Variants in FABP12 observed in about 807,000 individuals in gnomAD.
FABP12 encodes fatty acid-binding protein 12.
A neutral mutation model predicts 13.7 loss-of-function variants in FABP12; 19 were observed. That is an observed-to-expected ratio of 1.39 (90% confidence interval 0.97 to 2.04). The LOEUF (loss-of-function observed/expected upper bound fraction) is 2.04. Ranked by LOEUF, FABP12 falls within the 30% of genes most tolerant of loss-of-function variation. FABP12 has a pLI of 0.00. For synonymous variants in FABP12, 61 were observed against 57.0 expected, an observed-to-expected ratio of 1.07 and a Z score of -0.32; for missense variants, 182 against 164.2, an observed-to-expected ratio of 1.11 and a Z score of -0.59.
At chr8:81,554,370 G>C (rs1809573005) in intron 1 of FABP12, among the ~76,000 whole-genome samples, 1 of 152,148 alleles carries the variant, frequency 6.6e-6, no homozygotes, top group East Asian at 1.9e-4. Flanking sequence ...GTGAGGTGCA[G>C]AAACCAAGAA....
intron 3 of FABP12, 91 bp downstream of exon 3, chr8:81,529,347 A>C (rs770728431): frequency 4.0e-6 from 5 of 1,264,250 alleles, no homozygotes; most frequent in Non-Finnish European, 4.6e-6. Flanking sequence ...TAAGGACTTT[A>C]GATATGTTTG....
intron 1 of FABP12, among the ~76,000 whole-genome samples, chr8:81,573,939 C>T (rs941310148): frequency 6.6e-6 from 1 of 151,892 alleles, no homozygotes; most frequent in Non-Finnish European, 1.5e-5. Flanking sequence ...AATCGGATGG[C>T]TTATTTCTTT....
intron 1 of FABP12, among the ~76,000 whole-genome samples, chr8:81,543,395 T>C (rs920970788): frequency 2.6e-5 from 4 of 152,222 alleles, no homozygotes; most frequent in African/African-American, 9.6e-5. Flanking sequence ...ATTATGGCTC[T>C]ACTGGAAAGG....
intron 1 of FABP12, among the ~76,000 whole-genome samples, chr8:81,577,014 G>C (rs189946677): frequency 6.6e-6 from 1 of 152,200 alleles, no homozygotes; most frequent in Admixed American, 6.5e-5. Context: ...AAACATTTGA[G>C]CATCCCTAAT....
intron 1 of FABP12, among the ~76,000 whole-genome samples, chr8:81,549,438 T>C (rs1212829972): frequency 1.3e-5 from 2 of 152,198 alleles, no homozygotes; most frequent in Non-Finnish European, 2.9e-5. Context: ...GTACAGATGT[T>C]GCCTTCGCCA....
At chr8:81,568,937 T>A (rs1178913853) in intron 1 of FABP12, among the ~76,000 whole-genome samples, 1 of 151,992 alleles carries the variant, frequency 6.6e-6, no homozygotes, top group Non-Finnish European at 1.5e-5. Context: ...AGATTGAGAG[T>A]AGTATGATAG....
In FABP12 at chr8:81,547,733, A is replaced by C. The variant is rs144704130; in HGVS notation, c.-184-7990T>G. Among the ~76,000 whole-genome samples, 267 of 152,288 alleles carry C rather than the reference A, an allele frequency of 1.8e-3. 1 individual carries two copies. The highest frequency in any genetic ancestry group is 5.8e-3 in the African/African-American group (241 of 41,560). On this transcript the variant is annotated intron_variant, in intron 1 of 5. Coordinates refer to the FABP12 transcript ENST00000692030. ...TCACGTGTATTAAGTTTTTGTGCCC[A>C]CAGAATTCCTGCCAGTGTCAGAAAT... is the stretch of plus-strand genomic sequence containing the variant.
intron 1 of FABP12, chr8:81,532,930 C>T (rs190757185): frequency 6.6e-6 from 1 of 152,354 alleles, no homozygotes; most frequent in East Asian, 1.9e-4. Flanking sequence ...AGGCATGAGG[C>T]TGAAGCCAGG....
exon 4 of FABP12, chr8:81,527,026 C>G: frequency 6.2e-7 from 1 of 1,603,490 alleles, no homozygotes; most frequent in Non-Finnish European, 8.5e-7. Flanking sequence ...TCACCACCAC[C>G]ATTTTCCCAT....
intron 1 of FABP12, among the ~76,000 whole-genome samples, chr8:81,550,748 G>T (rs1289740645): frequency 6.6e-6 from 1 of 152,224 alleles, no homozygotes; most frequent in African/African-American, 2.4e-5. Flanking sequence ...TGGAGAGTCA[G>T]AAAAATTACC....
upstream of FABP12, among the ~76,000 whole-genome samples, chr8:81,537,440 G>A (rs1188511960): frequency 6.6e-6 from 1 of 151,856 alleles, no homozygotes; most frequent in African/African-American, 2.4e-5. Flanking sequence ...GCAATATTAA[G>A]CCTTCAAGTT....
At chr8:81,543,149 T>C (rs1282623759) in intron 1 of FABP12, among the ~76,000 whole-genome samples, 2 of 152,238 alleles carry the variant, frequency 1.3e-5, no homozygotes, top group Non-Finnish European at 2.9e-5. Context: ...GACATTGTCA[T>C]TGAAGGCAGA....
chr8:81,543,310 G>A (rs560702065), intron 1 of FABP12, among the ~76,000 whole-genome samples: 1 of 152,296 alleles, frequency 6.6e-6, no homozygotes, highest in South Asian at 2.1e-4. Context: ...AATTGCATAT[G>A]ATGATTCTTC....
intron 1 of FABP12, among the ~76,000 whole-genome samples, chr8:81,572,256 C>G (rs558855327): frequency 5.3e-4 from 80 of 152,146 alleles, no homozygotes; most frequent in Non-Finnish European, 8.7e-4. Context: ...AGTTTCCTGT[C>G]TCATCCTGGT....
intron 4 of FABP12, among the ~76,000 whole-genome samples, chr8:81,525,683 A>G (rs984372091): frequency 3.3e-5 from 5 of 152,186 alleles, no homozygotes; most frequent in Admixed American, 6.5e-5. Flanking sequence ...GGGTATATAT[A>G]ATGTTTATAT....
chr8:81,562,358 G>A (rs1809738347), intron 1 of FABP12, among the ~76,000 whole-genome samples: 1 of 152,304 alleles, frequency 6.6e-6, no homozygotes, highest in Non-Finnish European at 1.5e-5. Context: ...TTGGGTGGCT[G>A]TGGGGAGGGA....
At chr8:81,544,256 G>C (rs957202998) in intron 1 of FABP12, among the ~76,000 whole-genome samples, 95 of 152,202 alleles carry the variant, frequency 6.2e-4, no homozygotes, top group African/African-American at 2.2e-3. Context: ...TAGAAGCTCT[G>C]GAGGGTACTC....
chr8:81,570,195 C>A (rs185766990), intron 1 of FABP12, among the ~76,000 whole-genome samples: 1 of 152,204 alleles, frequency 6.6e-6, no homozygotes, highest in African/African-American at 2.4e-5. Flanking sequence ...CCACAAGGAC[C>A]CAAAGAGTGA....
upstream of FABP12, among the ~76,000 whole-genome samples, chr8:81,534,102 T>C (rs1055921531): frequency 1.3e-5 from 2 of 151,956 alleles, no homozygotes; most frequent in South Asian, 2.1e-4. Flanking sequence ...CACACATACA[T>C]ACACACACTC....
Sources: gnomAD v4.1 joint callset for allele counts (sites outside exome capture counted in the v4.1 genomes callset) on GRCh38, gnomAD v4.1.1 for gene constraint, MANE v1.5 for transcripts, NCBI Gene and HGNC (gene_info 2026-07-23, HGNC 2026-07-21) for gene names.